CPQ: variants seen among roughly 807,000 people sequenced by gnomAD.
CPQ encodes Ser-Met dipeptidase.
Under a neutral mutation model 45.7 loss-of-function variants are expected in CPQ, and 37 were observed. The ratio of observed to expected loss-of-function variants is 0.81; its 90% CI spans 0.62 to 1.07. The LOEUF (loss-of-function observed/expected upper bound fraction) is 1.07, where lower values mean the gene tolerates loss of function less well. CPQ is among the 50% of genes least tolerant of loss of function. The probability of loss-of-function intolerance (pLI) is 0.00; values close to 1 mark genes in which losing one functional copy is unlikely to be tolerated. For missense variants in CPQ, 537 were observed against 572.9 expected, an observed-to-expected ratio of 0.94 and a Z score of 0.64; for synonymous variants, 186 against 205.8, an observed-to-expected ratio of 0.90 and a Z score of 0.82.
At chr8:96,892,402 G>A (rs1812389252) in intron 4 of CPQ, among the ~76,000 whole-genome samples, 1 of 152,146 alleles carries the variant, frequency 6.6e-6, no homozygotes, top group Non-Finnish European at 1.5e-5. Flanking sequence ...CTGGGTGGGA[G>A]CCTTTTTACT....
rs756309646 is a variant in CPQ, at chr8:97,029,380, TTTTTA to T, written c.962-15_962-11del. Reference sequence around the variant, plus strand: ...ATTCAAAATCAACTAAAGTATCACTTTTTTATTTTATTATTTTCCCAGGGCTGCGT... The same window carrying T: ...ATTCAAAATCAACTAAAGTATCACTTTTTTATTATTTTCCCAGGGCTGCGT... On this transcript the variant is annotated intron_variant, in intron 5 of 7. Transcript: ENST00000220763. The T allele has an allele frequency of 2.9e-5, 45 of 1,560,280 alleles. No homozygotes were observed. The highest frequency in any genetic ancestry group is 8.2e-5 in the African/African-American group (6 of 73,144).
intron 5 of CPQ, among the ~76,000 whole-genome samples, chr8:96,985,410 T>C (rs1808945141): frequency 6.6e-6 from 1 of 152,210 alleles, no homozygotes; most frequent in Non-Finnish European, 1.5e-5. Context: ...ACTCTCAGGT[T>C]TTCCATCTCT....
chr8:96,741,031 A>G (rs1028069330), intron 1 of CPQ, among the ~76,000 whole-genome samples: 13 of 152,182 alleles, frequency 8.5e-5, no homozygotes, highest in Non-Finnish European at 1.3e-4. Context: ...ATTGATTGGA[A>G]TAGTTTCAGA....
At chr8:96,666,686 C>G (rs1211685294) in intron 1 of CPQ, among the ~76,000 whole-genome samples, 12 of 152,214 alleles carry the variant, frequency 7.9e-5, no homozygotes, top group Admixed American at 7.9e-4. Flanking sequence ...TCAAATATGG[C>G]TCTTGGCCTC....
At chr8:96,734,516 C>T (rs1267030446) in intron 1 of CPQ, among the ~76,000 whole-genome samples, 1 of 151,944 alleles carries the variant, frequency 6.6e-6, no homozygotes, top group African/African-American at 2.4e-5. Context: ...TCGAGACCAT[C>T]CTGGCTAAAA....
intron 1 of CPQ, among the ~76,000 whole-genome samples, chr8:96,721,537 G>A (rs1000457351): frequency 2.0e-5 from 3 of 152,016 alleles, no homozygotes; most frequent in Non-Finnish European, 2.9e-5. Context: ...CCTAGTACAG[G>A]TGATAAGCAT....
chr8:97,035,869 G>A (rs886276692), intron 6 of CPQ, among the ~76,000 whole-genome samples: 8 of 151,872 alleles, frequency 5.3e-5, no homozygotes, highest in East Asian at 3.9e-4. Flanking sequence ...CACCACACCC[G>A]GCTAATTTTT....
intron 5 of CPQ, among the ~76,000 whole-genome samples, chr8:96,985,923 C>T (rs1186667631): frequency 6.6e-6 from 1 of 152,116 alleles, no homozygotes; most frequent in Non-Finnish European, 1.5e-5. Flanking sequence ...CCATCTCACC[C>T]ATAAAGATAT....
At position 96,689,987 on chromosome 8, in the gene CPQ, C is replaced by A. The variant is rs139119971; in HGVS notation, c.-35+44585C>A. Among the ~76,000 whole-genome samples, 374 of 152,064 alleles carry A rather than the reference C, an allele frequency of 2.5e-3. 4 individuals carry two copies. Among genetic ancestry groups the A allele is most frequent in the African/African-American group, 8.5e-3 (351 of 41,490 alleles). On this transcript the variant is annotated intron_variant, in intron 1 of 7. Transcript: ENST00000220763. Reference sequence around the variant, plus strand: ...TCTGTTTGGATTGTCTCCAATATGACCTTCATTTCTCTGATGGTTTTATTT... The same window carrying A: ...TCTGTTTGGATTGTCTCCAATATGAACTTCATTTCTCTGATGGTTTTATTT...
At chr8:96,950,153 T>TTG (rs920601168) in intron 4 of CPQ, among the ~76,000 whole-genome samples, 1 of 152,144 alleles carries the variant, frequency 6.6e-6, no homozygotes, top group Non-Finnish European at 1.5e-5. Flanking sequence ...AATGTACTTA[T>TTG]TGTTTATACT....
chr8:97,116,808 A>G (rs1436525869), intron 7 of CPQ, among the ~76,000 whole-genome samples: 2 of 152,238 alleles, frequency 1.3e-5, no homozygotes, highest in Non-Finnish European at 2.9e-5. Flanking sequence ...AATTTGCAAA[A>G]CCAGAATCAT....
intron 3 of CPQ, among the ~76,000 whole-genome samples, chr8:96,856,418 C>T (rs1811852160): frequency 6.6e-6 from 1 of 152,180 alleles, no homozygotes; most frequent in South Asian, 2.1e-4. Context: ...TCAAGAGTGA[C>T]TGCTAGGTTT....
At position 97,029,349 on chromosome 8, in the gene CPQ, T is replaced by A. The variant is rs78127223; in HGVS notation, c.962-54T>A. On this transcript the variant is annotated intron_variant, in intron 5 of 7. Coordinates refer to ENST00000220763, the MANE Select transcript of CPQ (RefSeq NM_016134.4). Reference sequence around the variant, plus strand: ...CAGATGAGGGACCCTGCCATTTTTTTATAAAATTCAAAATCAACTAAAGTA... The same window carrying A: ...CAGATGAGGGACCCTGCCATTTTTTAATAAAATTCAAAATCAACTAAAGTA... The A allele has an allele frequency of 2.3e-5, 35 of 1,519,940 alleles. No individual in the cohort carries two copies. In the East Asian group the frequency reaches 6.4e-4, roughly 28 times the overall value. The allele number at this position is 1,519,940 out of a possible 1,614,324, so 94.2% of individuals were successfully genotyped here.
intron 1 of CPQ, among the ~76,000 whole-genome samples, chr8:96,694,261 C>A (rs1237900016): frequency 6.6e-6 from 1 of 151,816 alleles, no homozygotes; most frequent in African/African-American, 2.4e-5. Flanking sequence ...GGCATAAGAC[C>A]TTACTTATCA....
intron 2 of CPQ, among the ~76,000 whole-genome samples, chr8:96,829,225 G>A (rs918987195): frequency 6.6e-6 from 1 of 151,998 alleles, no homozygotes; most frequent in Non-Finnish European, 1.5e-5. Flanking sequence ...ATAATTTATT[G>A]TGCCCATGGA....
At chr8:96,865,239 C>A (rs1811982584) in intron 3 of CPQ, among the ~76,000 whole-genome samples, 1 of 151,952 alleles carries the variant, frequency 6.6e-6, no homozygotes, top group Admixed American at 6.6e-5. Context: ...ATCAACAGCT[C>A]CCCAAACAAC....
intron 6 of CPQ, among the ~76,000 whole-genome samples, chr8:97,060,440 G>C (rs1327223175): frequency 2.0e-5 from 3 of 152,108 alleles, no homozygotes; most frequent in Non-Finnish European, 4.4e-5. Context: ...CTGACCATAA[G>C]AGGTTACCTT....
chr8:97,111,840 T>G (rs1318776870), intron 7 of CPQ, among the ~76,000 whole-genome samples: 1 of 152,222 alleles, frequency 6.6e-6, no homozygotes, highest in African/African-American at 2.4e-5. Context: ...GTTTCTTTTC[T>G]CTTATTCTGT....
chr8:96,765,815 T>C (rs1321642716), intron 1 of CPQ, among the ~76,000 whole-genome samples: 1 of 152,170 alleles, frequency 6.6e-6, no homozygotes, highest in Non-Finnish European at 1.5e-5. Context: ...CAAGCACACA[T>C]AGGCCAGGCA....
Sources: allele counts gnomAD v4.1 joint callset (sites outside exome capture counted in the v4.1 genomes callset), GRCh38; gene constraint gnomAD v4.1.1; transcripts MANE v1.5; gene names NCBI Gene and HGNC (gene_info 2026-07-23, HGNC 2026-07-21).